The following TBC1D8B variants were observed in gnomAD, a reference collection of about 807,000 sequenced individuals.
TBC1D8B encodes the protein RP11-321G1.1.
Under a neutral mutation model 82.9 loss-of-function variants are expected in TBC1D8B, and 75 were observed. The observed-to-expected ratio is 0.90, with a 90% CI of 0.75 to 1.10. The LOEUF (loss-of-function observed/expected upper bound fraction) is 1.10, where lower values mean the gene tolerates loss of function less well. TBC1D8B is among the 50% of genes least tolerant of loss of function. The probability of loss-of-function intolerance (pLI) is 0.00; values close to 1 mark genes in which losing one functional copy is unlikely to be tolerated. For missense variants in TBC1D8B, 794 were observed against 796.9 expected (o/e 1.00, Z 0.04); for synonymous variants, 276 against 276.8 (o/e 1.00, Z 0.03).
At chrX:106,803,071 T>A in intron 1 of TBC1D8B, 88 bp downstream of exon 1, 4 of 1,032,046 alleles carry the variant, frequency 3.9e-6, no homozygotes, top group Non-Finnish European at 5.1e-6. Context: ...TCGCTACCAG[T>A]TTCCCGATCC....
intron 17 of TBC1D8B, 88 bp downstream of exon 17, chrX:106,866,950 T>A: frequency 1.5e-6 from 1 of 655,489 alleles, no homozygotes; most frequent in Non-Finnish European, 2.3e-6. Context: ...ACAACTAAAC[T>A]AATTTTCAAC....
chrX:106,847,142 A>G (rs770159909), intron 10 of TBC1D8B, among the ~76,000 whole-genome samples: 239 of 111,986 alleles, frequency 2.1e-3, no homozygotes, highest in African/African-American at 7.3e-3. Context: ...GAAAATTTAT[A>G]TAAAAAAGAT....
chrX:106,853,358 T>C (rs1250983597), intron 12 of TBC1D8B, among the ~76,000 whole-genome samples, 163 bp from the exon 13 acceptor site: 1 of 111,833 alleles, frequency 8.9e-6, no homozygotes, highest in Non-Finnish European at 1.9e-5. Context: ...TATACAATCA[T>C]GTCATCTGCA....
At chrX:106,813,145 A>C (rs1333259490) in intron 1 of TBC1D8B, among the ~76,000 whole-genome samples, 2 of 112,418 alleles carry the variant, frequency 1.8e-5, no homozygotes, top group African/African-American at 3.2e-5. Context: ...GGCGTGAGTC[A>C]CCAAGCCCAG....
At chrX:106,815,940 C>A (rs1490625047) in intron 1 of TBC1D8B, among the ~76,000 whole-genome samples, 1 of 111,210 alleles carries the variant, frequency 9.0e-6, no homozygotes, top group Non-Finnish European at 1.9e-5. Context: ...TATGACAAAC[C>A]CACAGCCAAT....
intron 11 of TBC1D8B, among the ~76,000 whole-genome samples, chrX:106,848,841 C>G (rs1932518959): frequency 9.1e-6 from 1 of 110,315 alleles, no homozygotes; most frequent in Admixed American, 9.7e-5. Flanking sequence ...GCGGCCTCGG[C>G]TTACTGCAAG....
intron 1 of TBC1D8B, among the ~76,000 whole-genome samples, chrX:106,812,426 G>GA (rs1474588910): frequency 8.9e-6 from 1 of 111,773 alleles, no homozygotes; most frequent in African/African-American, 3.2e-5. Context: ...CATTACCGTG[G>GA]AAAAAATTAT....
At chrX:106,829,117 A>G (rs1485549043) in intron 7 of TBC1D8B, 3 of 105,658 alleles carry the variant, frequency 2.8e-5, no homozygotes, top group Non-Finnish European at 5.8e-5. Context: ...AAATCAATGT[A>G]CAAAAATCAC....
Position 106,823,332 on chromosome X carries a change from T to C in TBC1D8B, c.693T>C (p.Phe231=). 1 of 1,210,469 alleles carries C rather than the reference T, an allele frequency of 8.3e-7. No homozygotes were observed. The highest frequency in any genetic ancestry group is 1.1e-6 in the Non-Finnish European group (1 of 894,744). The part of the protein sequence containing the change: ...HVCSQGENHY[F]SMFLHINQTY... Reference sequence around the variant, plus strand: ...GTTCCCAAGGAGAGAATCACTACTTTTCAATGTTTTTGCACATTAACCAAA... The same window carrying C: ...GTTCCCAAGGAGAGAATCACTACTTCTCAATGTTTTTGCACATTAACCAAA... Residue 231 remains phenylalanine, a synonymous_variant, in exon 5 of 21, where the codon TTT becomes TTC. Coordinates refer to ENST00000357242, the MANE Select transcript of TBC1D8B (RefSeq NM_017752.3).
At chrX:106,846,602 G>C (rs917525209) in intron 10 of TBC1D8B, among the ~76,000 whole-genome samples, 5 of 111,542 alleles carry the variant, frequency 4.5e-5, no homozygotes, top group African/African-American at 1.6e-4. Context: ...CAGTGTTCTT[G>C]TTGCTTTTAT....
At chrX:106,817,709 A>G (rs1000809326) in intron 1 of TBC1D8B, among the ~76,000 whole-genome samples, 1 of 111,184 alleles carries the variant, frequency 9.0e-6, no homozygotes, top group Non-Finnish European at 1.9e-5. Context: ...ACCTGTATAG[A>G]CTCTAAGTCC....
In TBC1D8B at chrX:106,875,985, A is replaced by G. The variant is rs1387983256; in HGVS notation, c.*2020A>G. Reference sequence around the variant, plus strand: ...GAAACAAACTAAACATTATAGTTTTATAGCTGCTATCTTGTTAACCAAACA... The same window carrying G: ...GAAACAAACTAAACATTATAGTTTTGTAGCTGCTATCTTGTTAACCAAACA... On this transcript the variant is annotated 3_prime_UTR_variant, in exon 21 of 21. Coordinates refer to ENST00000357242, the MANE Select transcript of TBC1D8B (RefSeq NM_017752.3). The G allele has an allele frequency of 8.9e-6, 1 of 111,933 alleles. No individual in the cohort carries two copies. Among genetic ancestry groups the G allele is most frequent in the Non-Finnish European group, 1.9e-5 (1 of 53,119 alleles). The allele number at this position is 111,933 out of a possible 1,213,427, so 9.2% of individuals were successfully genotyped here.
intron 10 of TBC1D8B, among the ~76,000 whole-genome samples, chrX:106,845,630 A>C (rs1412372451): frequency 1.5e-4 from 17 of 111,183 alleles, no homozygotes. Flanking sequence ...GATTAGCTGG[A>C]GATAAGAGCT....
At position 106,873,700 on chromosome X, in the gene TBC1D8B, T is replaced by G; in HGVS notation, c.3098T>G (p.Leu1033Arg). ...LLRMEEVGRK[L>R]HSPTSSAKGF... ...AGGATGGAAGAAGTTGGAAGGAAAC[T>G]ACATAGCCCTACATCATCAGCCAAA... The change falls in exon 21 of 21, where the codon CTA (leucine) becomes CGA (arginine). Residue 1033 changes from leucine to arginine, a missense_variant. Coordinates refer to ENST00000357242, the MANE Select transcript of TBC1D8B (RefSeq NM_017752.3). The G allele has an allele frequency of 1.7e-6, 2 of 1,211,501 alleles. No individual in the cohort carries two copies. The highest frequency in any genetic ancestry group is 2.2e-6 in the Non-Finnish European group (2 of 895,532).
chrX:106,804,354 T>G (rs764846191), intron 1 of TBC1D8B, among the ~76,000 whole-genome samples: 13 of 111,842 alleles, frequency 1.2e-4, no homozygotes, highest in Non-Finnish European at 2.3e-4. Flanking sequence ...TTTTAAAATT[T>G]TGCTAGACCT....
chrX:106,804,567 T>G lies in TBC1D8B; in HGVS notation c.130+1584T>G, dbSNP rs185529931. ...GTTCATAATTACCCAGTGACATAAA[T>G]TATCCACTTGAGTCCATTGAGAATA... On this transcript the variant is annotated intron_variant, in intron 1 of 20. Transcript: ENST00000357242. 6.3e-5 allele frequency among the ~76,000 whole-genome samples: 7 copies of G among 111,772 alleles called. No homozygotes were observed. The East Asian group carries it at 2.0e-3, about 31-fold the overall frequency.
chrX:106,873,596 C>G lies in TBC1D8B; in HGVS notation c.2994C>G (p.Thr998=). 8.3e-7 allele frequency: 1 copy of G among 1,197,937 alleles called. No homozygotes were observed. Among genetic ancestry groups the G allele is most frequent in the Non-Finnish European group, 1.1e-6 (1 of 890,586 alleles). ...NQSQFIQFSK[T]LYNLFHEDPE... ...CTCAGTTTATTCAGTTTTCAAAGAC[C>G]CTCTATAACTTATTTCATGAGGACC... Residue 998 remains threonine, a synonymous_variant, in exon 21 of 21, where the codon ACC becomes ACG. Transcript: ENST00000357242.
At chrX:106,849,657 T>C in intron 11 of TBC1D8B, 1 of 880,454 alleles carries the variant, frequency 1.1e-6, no homozygotes, top group East Asian at 5.9e-5. Flanking sequence ...TAGAGAACTT[T>C]GTTGTTTGGC....
intron 1 of TBC1D8B, among the ~76,000 whole-genome samples, chrX:106,811,295 CAGG>C (rs1383573068): frequency 8.9e-6 from 1 of 111,780 alleles, no homozygotes; most frequent in Non-Finnish European, 1.9e-5. Context: ...GAGGCCAAGG[CAGG>C]AGAATTGCTT....
Sources: gnomAD v4.1 joint callset for allele counts (sites outside exome capture counted in the v4.1 genomes callset) on GRCh38, gnomAD v4.1.1 for gene constraint, MANE v1.5 for transcripts, NCBI Gene and HGNC (gene_info 2026-07-23, HGNC 2026-07-21) for gene names.